Variants in ATP9B observed in about 807,000 individuals in gnomAD.
ATP9B encodes ATPase phospholipid transporting 9B, also known as probable phospholipid-transporting ATPase IIB.
In ATP9B, 110 loss-of-function variants were observed where a neutral mutation model predicts 146.1. The observed-to-expected ratio is 0.75, with a 90% CI of 0.65 to 0.88. ATP9B has a LOEUF of 0.88. Among genes scored for constraint, ATP9B ranks in the 40% least tolerant of loss-of-function variants. ATP9B has a pLI of 0.00. For missense variants in ATP9B, 1,499 were observed against 1,496.4 expected (o/e 1.00, Z -0.03); for synonymous variants, 604 against 569.7 (o/e 1.06, Z -0.86).
At chr18:79,129,923 G>A (rs183919044) in intron 5 of ATP9B, among the ~76,000 whole-genome samples, 6 of 152,094 alleles carry the variant, frequency 3.9e-5, no homozygotes, top group Non-Finnish European at 7.4e-5. Context: ...TTTGTATTTT[G>A]TAGAGATGGG....
intron 25 of ATP9B, 27 bp from the exon 26 acceptor site, chr18:79,359,327 C>T: frequency 6.5e-7 from 1 of 1,542,348 alleles, no homozygotes; most frequent in Non-Finnish European, 9.0e-7. Flanking sequence ...TTCTCACGCC[C>T]ATTGCACTCC....
intron 7 of ATP9B, among the ~76,000 whole-genome samples, chr18:79,155,465 G>C (rs1408317658): frequency 6.6e-6 from 1 of 152,178 alleles, no homozygotes; most frequent in African/African-American, 2.4e-5. Flanking sequence ...ACCTTGCCAA[G>C]TGGGCACACG....
chr18:79,148,569 G>C (rs1224506617), intron 6 of ATP9B, among the ~76,000 whole-genome samples: 1 of 152,146 alleles, frequency 6.6e-6, no homozygotes, highest in Non-Finnish European at 1.5e-5. Flanking sequence ...CTCTGAGCAG[G>C]TTGGATTAGA....
chr18:79,220,279 A>G (rs150820010), intron 11 of ATP9B, among the ~76,000 whole-genome samples: 28 of 152,316 alleles, frequency 1.8e-4, no homozygotes, highest in Non-Finnish European at 3.8e-4. Context: ...CTTTTATATA[A>G]TATTTTGGAG....
At chr18:79,368,439 G>A (rs2097048477) in intron 26 of ATP9B, among the ~76,000 whole-genome samples, 1 of 152,196 alleles carries the variant, frequency 6.6e-6, no homozygotes, top group Admixed American at 6.5e-5. Context: ...ATCCTTCAAA[G>A]TGTGGAGTTC....
chr18:79,099,527 A>G (rs1242828904), intron 2 of ATP9B, among the ~76,000 whole-genome samples: 1 of 151,860 alleles, frequency 6.6e-6, no homozygotes, highest in South Asian at 2.1e-4. Flanking sequence ...GGGCCCAAAT[A>G]TTTTCTAATT....
chr18:79,323,984 C>T (rs2096730462), intron 15 of ATP9B, among the ~76,000 whole-genome samples: 1 of 152,156 alleles, frequency 6.6e-6, no homozygotes, highest in African/African-American at 2.4e-5. Context: ...TGGATAGAAG[C>T]CGTTTTAACT....
Position 79,096,648 on chromosome 18 carries a change from A to G in ATP9B, c.292A>G (p.Ser98Gly). 2 of 1,610,920 alleles carry G rather than the reference A, an allele frequency of 1.2e-6. No homozygotes were observed. Among genetic ancestry groups the G allele is most frequent in the Non-Finnish European group, 8.5e-7 (1 of 1,178,228 alleles). The change falls in exon 2 of 30, where the codon AGT becomes GGT. Residue 98 changes from serine to glycine, a missense_variant and splice_region_variant. Physicochemically the swap from Ser to Gly is moderately conservative, Grantham distance 56 (BLOSUM62 0). Coordinates refer to ENST00000426216, the MANE Select transcript of ATP9B (RefSeq NM_198531.5). ...TGATGGCTGGAAGTTCCTCTGTACC[A>G]GGTTTGTTATCCATTGCTACCTAAT... The part of the protein sequence containing the change: ...VCDGWKFLCT[S>G]CCGWLINICR...
At chr18:79,333,534 T>C (rs2096802998) in intron 17 of ATP9B, among the ~76,000 whole-genome samples, 1 of 152,244 alleles carries the variant, frequency 6.6e-6, no homozygotes, top group Admixed American at 6.5e-5. Flanking sequence ...AAGTTTTAAA[T>C]ATACATTGAA....
intron 6 of ATP9B, chr18:79,146,549 A>G (rs35781055): frequency 0.12 from 9,859 of 83,214 alleles, 349 homozygotes; most frequent in Non-Finnish European, 0.15. Context: ...TGAAGGTGCA[A>G]GCTGCATGTC....
chr18:79,332,582 A>G (rs1327327265), intron 17 of ATP9B, among the ~76,000 whole-genome samples: 2 of 152,176 alleles, frequency 1.3e-5, no homozygotes, highest in Non-Finnish European at 2.9e-5. Context: ...TTGCTCTCTC[A>G]GGAGGGCAGA....
At chr18:79,291,064 T>C (rs2146146322) in intron 13 of ATP9B, among the ~76,000 whole-genome samples, 1 of 152,346 alleles carries the variant, frequency 6.6e-6, no homozygotes, top group East Asian at 1.9e-4. Context: ...CTGTTGCCAC[T>C]CTGAGAATGA....
intron 11 of ATP9B, among the ~76,000 whole-genome samples, chr18:79,234,684 T>C (rs2095824661): frequency 6.6e-6 from 1 of 151,626 alleles, no homozygotes; most frequent in Non-Finnish European, 1.5e-5. Context: ...GGTGTGCTGC[T>C]GTGGGTGTGC....
At position 79,191,044 on chromosome 18, in the gene ATP9B, G is replaced by A. The variant is rs145262632; in HGVS notation, c.874-2139G>A. On this transcript the variant is annotated intron_variant, in intron 8 of 29. Transcript: ENST00000426216. ...AATGGAGTTCTCATTTTATTTATTT[G>A]ACAGTGTCTTTATTTCACCTGTATT... Among the ~76,000 whole-genome samples the A allele has an allele frequency of 3.3e-3, 504 of 152,102 alleles. 3 individuals carry two copies. Among genetic ancestry groups the A allele is most frequent in the Middle Eastern group, 0.014 (4 of 294 alleles).
chr18:79,324,476 T>C (rs4799035), intron 15 of ATP9B, among the ~76,000 whole-genome samples: 70,114 of 151,820 alleles, frequency 0.46, 16,389 homozygotes, highest in Middle Eastern at 0.55. Flanking sequence ...CATATAAGGG[T>C]GTCTTTTAAT....
At chr18:79,337,519 G>A in intron 19 of ATP9B, 70 bp downstream of exon 19, 1 of 1,547,270 alleles carries the variant, frequency 6.5e-7, no homozygotes, top group South Asian at 1.2e-5. Context: ...CCTTGGGCAT[G>A]GTGATTTGTG....
intron 4 of ATP9B, among the ~76,000 whole-genome samples, chr18:79,119,070 T>C (rs376698731): frequency 1.7e-4 from 23 of 138,790 alleles, no homozygotes; most frequent in South Asian, 1.4e-3. Context: ...GACCGTGTCT[T>C]AAAAAAAAAA....
intron 1 of ATP9B, among the ~76,000 whole-genome samples, chr18:79,078,760 T>C (rs1036474390): frequency 1.3e-5 from 2 of 151,960 alleles, no homozygotes; most frequent in Non-Finnish European, 2.9e-5. Context: ...TTGCTGCACC[T>C]ATCAACCCAT....
At chr18:79,290,053 G>A (rs1308456010) in intron 13 of ATP9B, among the ~76,000 whole-genome samples, 7 of 152,112 alleles carry the variant, frequency 4.6e-5, no homozygotes, top group East Asian at 1.9e-4. Flanking sequence ...TAGGCTGCTC[G>A]GGGGTCAGGG....
Sources: gnomAD v4.1 joint callset for allele counts (sites outside exome capture counted in the v4.1 genomes callset) on GRCh38, gnomAD v4.1.1 for gene constraint, MANE v1.5 for transcripts, NCBI Gene and HGNC (gene_info 2026-07-23, HGNC 2026-07-21) for gene names.